TENM2: variants seen among roughly 807,000 people sequenced by gnomAD.
TENM2 encodes teneurin transmembrane protein 2, also known as teneurin-2.
A neutral mutation model predicts 245.2 loss-of-function variants in TENM2; 52 were observed. The observed-to-expected ratio is 0.21, with a 90% CI of 0.17 to 0.27. The LOEUF is 0.27. Ranked by LOEUF, TENM2 falls within the 10% of genes least tolerant of loss-of-function variation. TENM2 has a pLI of 1.00. For synonymous variants in TENM2, 1,363 were observed against 1,438.9 expected (o/e 0.95, Z 1.19); for missense variants, 3,046 against 3,666.8 (o/e 0.83, Z 4.37).
chr5:167,348,620 AT>A (rs1292178450), intron 1 of TENM2, among the ~76,000 whole-genome samples: 1 of 152,190 alleles, frequency 6.6e-6, no homozygotes, highest in Non-Finnish European at 1.5e-5. Flanking sequence ...ATGGAAAAGT[AT>A]TCCGGTAGAG....
chr5:167,484,298 G>A (rs1349577658), intron 2 of TENM2, among the ~76,000 whole-genome samples: 3 of 152,098 alleles, frequency 2.0e-5, no homozygotes, highest in Non-Finnish European at 4.4e-5. Flanking sequence ...GGCCTCATTT[G>A]TAGACAGAGT....
the TENM2 span, among the ~76,000 whole-genome samples, chr5:167,070,031 G>A: frequency 7.2e-5 from 11 of 152,116 alleles, 1 homozygote; most frequent in South Asian, 1.9e-3. Flanking sequence ...GTCTTAAAGC[G>A]TGTGCCATTT....
the TENM2 span, among the ~76,000 whole-genome samples, chr5:167,063,533 A>G: frequency 6.6e-6 from 1 of 152,140 alleles, no homozygotes; most frequent in Non-Finnish European, 1.5e-5. Context: ...CTATTAGGCC[A>G]GGGGTGGGGG....
intron 3 of TENM2, among the ~76,000 whole-genome samples, chr5:167,889,505 G>T (rs866964914): frequency 6.6e-6 from 1 of 152,082 alleles, no homozygotes; most frequent in Non-Finnish European, 1.5e-5. Context: ...TCATCTCAAT[G>T]ACCTTTTGCA....
At chr5:167,209,469 G>A in the TENM2 span, among the ~76,000 whole-genome samples, 12 of 152,022 alleles carry the variant, frequency 7.9e-5, no homozygotes, top group Admixed American at 6.5e-5. Flanking sequence ...TCACCATGTT[G>A]GCCAGGCTGA....
At chr5:167,368,655 TACTGTGTCTTG>T (rs1300705699) in intron 1 of TENM2, among the ~76,000 whole-genome samples, 1 of 152,166 alleles carries the variant, frequency 6.6e-6, no homozygotes, top group Non-Finnish European at 1.5e-5. Flanking sequence ...AATAGTGGGA[TACTGTGTCTTG>T]ACAGCCAGGT....
At chr5:167,261,492 C>T in the TENM2 span, among the ~76,000 whole-genome samples, 4 of 152,070 alleles carry the variant, frequency 2.6e-5, no homozygotes, top group African/African-American at 9.7e-5. Flanking sequence ...TACTGTTTGT[C>T]ATCATTAACA....
chr5:167,350,056 T>C (rs927571104), intron 1 of TENM2, among the ~76,000 whole-genome samples: 1 of 152,146 alleles, frequency 6.6e-6, no homozygotes, highest in African/African-American at 2.4e-5. Context: ...CTCATACAGA[T>C]TTTAATAGTC....
At chr5:168,032,873 C>A (rs1787264091) in intron 5 of TENM2, among the ~76,000 whole-genome samples, 1 of 152,068 alleles carries the variant, frequency 6.6e-6, no homozygotes, top group South Asian at 2.1e-4. Flanking sequence ...TGTAACTGAG[C>A]AGAGAGTAAT....
chr5:167,847,769 T>C lies in TENM2; in HGVS notation c.503-28217T>C, dbSNP rs1190458053. On this transcript the variant is annotated intron_variant, in intron 2 of 28. Transcript: ENST00000518659. ...GTACAGCTTCTTTTCATTAGAACTTTGACTTCTATTCGTGGTTTATTTGGG... is the reference window on the plus strand; with the variant it reads ...GTACAGCTTCTTTTCATTAGAACTTCGACTTCTATTCGTGGTTTATTTGGG... Among the ~76,000 whole-genome samples, 5 of 152,250 alleles carry C rather than the reference T, an allele frequency of 3.3e-5. No individual in the cohort carries two copies. In the East Asian group the frequency reaches 9.6e-4, roughly 29 times the overall value.
At chr5:167,897,054 T>C (rs759897794) in intron 3 of TENM2, among the ~76,000 whole-genome samples, 1 of 152,202 alleles carries the variant, frequency 6.6e-6, no homozygotes, top group Non-Finnish European at 1.5e-5. Context: ...GCTTATAATG[T>C]GAGGCTCATC....
At chr5:167,648,460 G>C (rs1271593252) in intron 2 of TENM2, among the ~76,000 whole-genome samples, 1 of 152,196 alleles carries the variant, frequency 6.6e-6, no homozygotes, top group Non-Finnish European at 1.5e-5. Flanking sequence ...TTGGGGATCT[G>C]TTCCAGTGAT....
intron 13 of TENM2, among the ~76,000 whole-genome samples, chr5:168,164,891 C>T (rs1758078782): frequency 1.3e-5 from 2 of 152,170 alleles, no homozygotes. Flanking sequence ...ATATCAATGA[C>T]CAAGTCAAAG....
At chr5:168,106,306 C>T (rs1044261125) in intron 9 of TENM2, among the ~76,000 whole-genome samples, 2 of 151,900 alleles carry the variant, frequency 1.3e-5, no homozygotes, top group African/African-American at 4.8e-5. Context: ...GTTCCCACCA[C>T]CAAATTCCTC....
At chr5:167,526,863 T>C (rs1315620805) in intron 2 of TENM2, among the ~76,000 whole-genome samples, 1 of 152,122 alleles carries the variant, frequency 6.6e-6, no homozygotes, top group East Asian at 1.9e-4. Context: ...CACAGATCTT[T>C]TAAGTAGAGA....
chr5:167,040,672 C>T, the TENM2 span, among the ~76,000 whole-genome samples: 222 of 152,178 alleles, frequency 1.5e-3, no homozygotes, highest in African/African-American at 5.0e-3. Context: ...AATGAATTAC[C>T]ATGCAAAGGG....
chr5:167,617,785 G>A (rs560850045), intron 2 of TENM2, among the ~76,000 whole-genome samples: 3 of 152,236 alleles, frequency 2.0e-5, no homozygotes, highest in South Asian at 4.1e-4. Flanking sequence ...ATGGACGAAT[G>A]GTTAAGTAAA....
the TENM2 span, among the ~76,000 whole-genome samples, chr5:167,279,501 TTTCCTTCCTTCCTTTCC>T: frequency 1.4e-4 from 20 of 141,016 alleles, no homozygotes; most frequent in Admixed American, 3.6e-4. Context: ...TTTCTCTTTC[TTTCCTTCCTTCCTTTCC>T]TTCCTTCCTT....
At chr5:167,338,113 G>A (rs929292548) in intron 1 of TENM2, among the ~76,000 whole-genome samples, 7 of 152,176 alleles carry the variant, frequency 4.6e-5, no homozygotes, top group Non-Finnish European at 8.8e-5. Flanking sequence ...TCAACATGCT[G>A]TACTTATTAC....
Sources: allele counts gnomAD v4.1 joint callset (sites outside exome capture counted in the v4.1 genomes callset), GRCh38; gene constraint gnomAD v4.1.1; transcripts MANE v1.5; gene names NCBI Gene and HGNC (gene_info 2026-07-23, HGNC 2026-07-21).